The following NAALADL2 variants were observed in gnomAD, a reference collection of about 807,000 sequenced individuals.
NAALADL2 encodes the protein inactive N-acetylated-alpha-linked acidic dipeptidase-like protein 2.
A neutral mutation model predicts 87.2 loss-of-function variants in NAALADL2; 76 were observed. The observed-to-expected ratio is 0.87, with a 90% confidence interval of 0.72 to 1.05. The LOEUF is 1.05. Ranked by LOEUF, NAALADL2 falls within the 50% of genes least tolerant of loss-of-function variation. The probability of loss-of-function intolerance (pLI) is 0.00; values close to 1 mark genes in which losing one functional copy is unlikely to be tolerated. For missense variants in NAALADL2, 1,089 were observed against 945.8 expected (o/e 1.15, Z -1.99); for synonymous variants, 354 against 331.0 (o/e 1.07, Z -0.75).
chr3:175,513,719 T>G (rs573770825), intron 9 of NAALADL2, among the ~76,000 whole-genome samples: 1 of 152,320 alleles, frequency 6.6e-6, no homozygotes, highest in South Asian at 2.1e-4. Flanking sequence ...GCCAATGTCA[T>G]AGTACAATAG....
intron 5 of NAALADL2, among the ~76,000 whole-genome samples, chr3:175,347,865 C>T (rs999980203): frequency 6.6e-6 from 1 of 152,014 alleles, no homozygotes; most frequent in Admixed American, 6.6e-5. Flanking sequence ...AGGTATTTCT[C>T]CTAATGCTAT....
intron 9 of NAALADL2, among the ~76,000 whole-genome samples, chr3:175,471,993 C>T (rs971372357): frequency 1.3e-4 from 19 of 151,822 alleles, no homozygotes; most frequent in Non-Finnish European, 2.4e-4. Context: ...ATGAGTCACA[C>T]AGTTATAGAG....
intron 1 of NAALADL2, among the ~76,000 whole-genome samples, chr3:174,879,789 C>A (rs965732472): frequency 2.0e-5 from 3 of 152,066 alleles, no homozygotes; most frequent in Admixed American, 1.3e-4. Context: ...TTATCTGAAG[C>A]CCATTTTCAT....
chr3:175,257,996 A>C (rs1297885324), intron 4 of NAALADL2, among the ~76,000 whole-genome samples: 1 of 152,220 alleles, frequency 6.6e-6, no homozygotes, highest in East Asian at 1.9e-4. Context: ...GACTGGCTCA[A>C]AGACAAAGAG....
intron 5 of NAALADL2, among the ~76,000 whole-genome samples, chr3:175,366,132 G>C (rs7629780): frequency 0.38 from 52,814 of 138,458 alleles, 12,502 homozygotes; most frequent in East Asian, 0.6. Context: ...CCTTGCGATA[G>C]TTTACTGAGA....
chr3:175,047,148 A>G (rs1295404614), intron 1 of NAALADL2, among the ~76,000 whole-genome samples: 4 of 152,090 alleles, frequency 2.6e-5, no homozygotes, highest in Non-Finnish European at 5.9e-5. Flanking sequence ...CCGCCTTCTA[A>G]TACCATCCCA....
chr3:175,329,468 G>A (rs980257356), intron 5 of NAALADL2, among the ~76,000 whole-genome samples: 5 of 152,240 alleles, frequency 3.3e-5, no homozygotes, highest in Non-Finnish European at 7.4e-5. Context: ...TCCTGGTCCA[G>A]TTACTTGGAC....
intron 9 of NAALADL2, among the ~76,000 whole-genome samples, chr3:175,474,151 G>A (rs1294015765): frequency 6.6e-6 from 1 of 151,914 alleles, no homozygotes; most frequent in African/African-American, 2.4e-5. Context: ...TTTTTCTGAT[G>A]ATTTGTGAAA....
intron 2 of NAALADL2, among the ~76,000 whole-genome samples, chr3:174,722,241 C>A (rs1291345036): frequency 3.9e-5 from 6 of 152,294 alleles, no homozygotes; most frequent in Admixed American, 3.9e-4. Flanking sequence ...CTCTTTGGTG[C>A]ATGAAGGTAT....
At chr3:175,643,719 G>A (rs1287130611) in intron 11 of NAALADL2, among the ~76,000 whole-genome samples, 2 of 152,086 alleles carry the variant, frequency 1.3e-5, no homozygotes, top group Non-Finnish European at 2.9e-5. Context: ...TCCTTGTCCA[G>A]GTGAGAAGAA....
intron 2 of NAALADL2, among the ~76,000 whole-genome samples, chr3:175,123,780 A>G (rs912364800): frequency 6.6e-6 from 1 of 151,986 alleles, no homozygotes; most frequent in Non-Finnish European, 1.5e-5. Context: ...ATAAAACACA[A>G]TTGACCATGT....
Position 175,313,155 on chromosome 3 carries a change from A to T in NAALADL2, c.940-11020A>T, listed in dbSNP as rs80333707. Reference sequence around the variant, plus strand: ...GGTATCTCTTCTTTTGCTTCTGAGTACCTGAGTCATATTGCATTAGGGCCC... The same window carrying T: ...GGTATCTCTTCTTTTGCTTCTGAGTTCCTGAGTCATATTGCATTAGGGCCC... On this transcript the variant is annotated intron_variant, in intron 4 of 13. Transcript: ENST00000454872. 7.2e-5 allele frequency among the ~76,000 whole-genome samples: 11 copies of T among 152,092 alleles called. No individual in the cohort carries two copies. The East Asian group carries it at 2.1e-3, about 29-fold the overall frequency.
chr3:175,018,689 T>G (rs1229446790), intron 1 of NAALADL2, among the ~76,000 whole-genome samples: 1 of 152,040 alleles, frequency 6.6e-6, no homozygotes, highest in East Asian at 1.9e-4. Flanking sequence ...TTCAACGTAT[T>G]AAAAGTGGCA....
intron 4 of NAALADL2, among the ~76,000 whole-genome samples, chr3:175,278,778 C>T (rs575512713): frequency 4.3e-4 from 66 of 152,082 alleles, no homozygotes; most frequent in Non-Finnish European, 7.8e-4. Context: ...ATATTGCAAA[C>T]GCACTGTTTA....
At chr3:175,310,014 G>T (rs7625843) in intron 4 of NAALADL2, among the ~76,000 whole-genome samples, 75,804 of 151,986 alleles carry the variant, frequency 0.5, 19,912 homozygotes, top group East Asian at 0.71. Context: ...AGAAAAACAA[G>T]TAGACAAATT....
intron 2 of NAALADL2, among the ~76,000 whole-genome samples, chr3:174,677,592 G>A (rs764075961): frequency 2.6e-5 from 4 of 152,048 alleles, no homozygotes; most frequent in Non-Finnish European, 5.9e-5. Flanking sequence ...AAGAAATACA[G>A]CATTTGCTTC....
chr3:174,898,310 T>C (rs144407542), intron 1 of NAALADL2, among the ~76,000 whole-genome samples: 17 of 151,348 alleles, frequency 1.1e-4, no homozygotes, highest in African/African-American at 4.1e-4. Flanking sequence ...GAGTAGAAGG[T>C]TGGTTACCAG....
At chr3:175,025,920 C>T (rs1489437481) in intron 1 of NAALADL2, among the ~76,000 whole-genome samples, 1 of 152,042 alleles carries the variant, frequency 6.6e-6, no homozygotes, top group Non-Finnish European at 1.5e-5. Flanking sequence ...AGTGATTCGC[C>T]CACCTCAGCC....
chr3:175,051,303 A>G (rs900212809), intron 1 of NAALADL2, among the ~76,000 whole-genome samples: 2 of 152,172 alleles, frequency 1.3e-5, no homozygotes, highest in African/African-American at 4.8e-5. Flanking sequence ...ATACCCATTT[A>G]TTATGTCAGT....
Sources: gnomAD v4.1 joint callset for allele counts (sites outside exome capture counted in the v4.1 genomes callset) on GRCh38, gnomAD v4.1.1 for gene constraint, MANE v1.5 for transcripts, NCBI Gene and HGNC (gene_info 2026-07-23, HGNC 2026-07-21) for gene names.